Variants in RBAK observed in about 807,000 individuals in gnomAD.
The protein encoded by RBAK is RB associated KRAB zinc finger.
A neutral mutation model predicts 65.8 loss-of-function variants in RBAK; 39 were observed. The ratio of observed to expected loss-of-function variants is 0.59; its 90% CI spans 0.46 to 0.77. The LOEUF is 0.77. Ranked by LOEUF, RBAK falls within the 30% of genes least tolerant of loss-of-function variation. The pLI, the probability that RBAK is intolerant of heterozygous loss-of-function variation, is 0.00. For missense variants in RBAK, 884 were observed against 855.1 expected, an observed-to-expected ratio of 1.03 and a Z score of -0.42; for synonymous variants, 343 against 289.7, an observed-to-expected ratio of 1.18 and a Z score of -1.87.
intron 2 of RBAK, among the ~76,000 whole-genome samples, chr7:5,050,645 G>T (rs1332148246): frequency 1.3e-5 from 2 of 152,172 alleles, no homozygotes; most frequent in East Asian, 3.9e-4. Context: ...CGTGTTTACG[G>T]CTCACTGCAG....
chr7:5,049,424 C>G (rs1240576810), intron 2 of RBAK, among the ~76,000 whole-genome samples: 1 of 152,228 alleles, frequency 6.6e-6, no homozygotes, highest in Admixed American at 6.5e-5. Flanking sequence ...TACAGTTACT[C>G]TCTTGTGAAG....
intron 4 of RBAK, among the ~76,000 whole-genome samples, chr7:5,058,028 T>G (rs1489320437): frequency 5.9e-5 from 9 of 151,974 alleles, no homozygotes; most frequent in Non-Finnish European, 8.8e-5. Flanking sequence ...TATTGGTAAC[T>G]TATTTACTCC....
chr7:5,060,502 A>G (rs1048968209), intron 4 of RBAK, among the ~76,000 whole-genome samples: 1 of 152,270 alleles, frequency 6.6e-6, no homozygotes, highest in Non-Finnish European at 1.5e-5. Context: ...TCCAATGCAC[A>G]TTGTGCAACT....
At chr7:5,058,252 T>G (rs1383060566) in intron 4 of RBAK, among the ~76,000 whole-genome samples, 2 of 152,128 alleles carry the variant, frequency 1.3e-5, no homozygotes, top group Admixed American at 6.5e-5. Context: ...TTTTTATATT[T>G]TTAGTAGACA....
intron 4 of RBAK, among the ~76,000 whole-genome samples, chr7:5,062,110 A>G (rs1779089996): frequency 6.6e-6 from 1 of 152,172 alleles, no homozygotes; most frequent in Non-Finnish European, 1.5e-5. Context: ...ATGAAGTGAT[A>G]TCTTGCAGTT....
intron 2 of RBAK, among the ~76,000 whole-genome samples, chr7:5,055,887 A>T (rs549440488): frequency 9.9e-5 from 15 of 152,016 alleles, no homozygotes. Context: ...TGCCTCTGCT[A>T]TCTCTTGGGA....
Position 5,064,303 on chromosome 7 carries a change from C to T in RBAK, c.847C>T (p.His283Tyr), listed in dbSNP as rs762423150. The change falls in exon 5 of 5, where the codon CAC becomes TAC. Residue 283 changes from histidine (H) to tyrosine (Y), a missense_variant. By Grantham distance (83) the His-to-Tyr change is moderately conservative. Transcript: ENST00000396912. The surrounding 1 kb of genome is among the most constrained non-coding windows in gnomAD (Gnocchi z 6.3). ...AAAATTCATCATCCACCAGAGGGCT[C>T]ACACAGGAGAGAAACCTTATGAATG... Reference protein sequence around the residue: ...KSKFIIHQRAHTGEKPYECNV... With the variant: ...KSKFIIHQRAYTGEKPYECNV... 6 of 1,614,128 alleles carry T rather than the reference C, an allele frequency of 3.7e-6. No homozygotes were observed. The highest frequency in any genetic ancestry group is 5.1e-6 in the Non-Finnish European group (6 of 1,180,000).
chr7:5,056,688 G>A (rs768225903), intron 2 of RBAK, among the ~76,000 whole-genome samples: 1 of 152,144 alleles, frequency 6.6e-6, no homozygotes, highest in African/African-American at 2.4e-5. Flanking sequence ...AGATTGAGAT[G>A]TTTGAGATAA....
rs576890762 is a variant in RBAK at position 5,056,251 on chromosome 7, G to A, written c.16-1044G>A. ...GCCTCCCAAGTAGCTAGAACTACAG[G>A]CGTGTGCCATGATGCCCAGCCAATT... On this transcript the variant is annotated intron_variant, in intron 2 of 4. Transcript: ENST00000396912. 3.3e-5 allele frequency among the ~76,000 whole-genome samples: 5 copies of A among 151,972 alleles called. No homozygotes were observed. The East Asian group carries it at 9.7e-4, about 29-fold the overall frequency.
chr7:5,057,769 A>G lies in RBAK; in HGVS notation c.228A>G (p.Gln76=), dbSNP rs369245518. 2.4e-5 allele frequency: 39 copies of G among 1,613,800 alleles called. No homozygotes were observed. The highest frequency in any genetic ancestry group is 8.0e-5 in the African/African-American group (6 of 74,924). The change falls in exon 4 of 5, where the codon CAA becomes CAG. Residue 76 remains glutamine (Q), a synonymous_variant. Coordinates refer to ENST00000396912, the MANE Select transcript of RBAK (RefSeq NM_021163.4). ...TAATGGGAGGTGAATTTCCATGTCA[A>G]CATAGTCCAGGTAAGTTAGTAGCGT... is the stretch of plus-strand genomic sequence containing the variant. ...PWIMGGEFPC[Q]HSPEAWRVDD... is the part of the protein sequence containing the mutation.
chr7:5,051,959 A>G (rs1256041547), intron 2 of RBAK, among the ~76,000 whole-genome samples: 1 of 152,216 alleles, frequency 6.6e-6, no homozygotes, highest in Non-Finnish European at 1.5e-5. Flanking sequence ...TTGTGTGCCT[A>G]CTTGTATCAA....
rs1779251241 is a variant in RBAK at position 5,067,637 on chromosome 7, TGTA to T, written c.*2038_*2040del. On this transcript the variant is annotated 3_prime_UTR_variant, in exon 5 of 5. Transcript: ENST00000396912. ...AGTCGAATAATTGTCAAGGCTATCCTGTAGAATGGACAGAGAGGATTGAAATTT... is the reference window on the plus strand; with the variant it reads ...AGTCGAATAATTGTCAAGGCTATCCTGAATGGACAGAGAGGATTGAAATTT... The T allele has an allele frequency of 1.3e-5, 2 of 152,232 alleles. No homozygotes were observed. Among genetic ancestry groups the T allele is most frequent in the Admixed American group, 6.5e-5 (1 of 15,284 alleles). The allele number at this position is 152,232 out of a possible 1,614,324, so 9.4% of individuals were successfully genotyped here.
chr7:5,052,895 G>T (rs956249116), intron 2 of RBAK, among the ~76,000 whole-genome samples: 6 of 152,042 alleles, frequency 3.9e-5, no homozygotes, highest in African/African-American at 1.2e-4. Flanking sequence ...GGGTAGCTGG[G>T]ATTACAGACA....
chr7:5,056,423 C>T (rs1788234125), intron 2 of RBAK, among the ~76,000 whole-genome samples: 1 of 151,968 alleles, frequency 6.6e-6, no homozygotes, highest in Admixed American at 6.6e-5. Flanking sequence ...CAGCCCCAAC[C>T]ACTTAAAAAT....
chr7:5,060,816 G>T (rs1779050725), intron 4 of RBAK, among the ~76,000 whole-genome samples: 1 of 152,172 alleles, frequency 6.6e-6, no homozygotes. Context: ...TGGTGTTTGG[G>T]GTGCTGGAGC....
Position 5,065,256 on chromosome 7 carries a change from T to C in RBAK, c.1800T>C (p.Cys600=). ...AGAAACCCTATGAATGTTACGAATG[T>C]GGAAAATTCTTCTCTCAGAAATCAT... is the stretch of plus-strand genomic sequence containing the variant. ...TGEKPYECYE[C]GKFFSQKSYL... Residue 600 remains cysteine, a synonymous_variant, in exon 5 of 5, where the codon TGT becomes TGC. Transcript: ENST00000396912. This position sits in a 1 kb window ranked among gnomAD's most constrained non-coding sequence, Gnocchi z 5.3. 6.2e-7 allele frequency: 1 copy of C among 1,613,996 alleles called. No individual in the cohort carries two copies. Among genetic ancestry groups the C allele is most frequent in the South Asian group, 1.1e-5 (1 of 91,076 alleles).
intron 2 of RBAK, among the ~76,000 whole-genome samples, chr7:5,055,607 A>G (rs781517195): frequency 2.6e-5 from 4 of 152,182 alleles, no homozygotes; most frequent in Admixed American, 6.5e-5. Context: ...CCATTTGGCT[A>G]TTGTATATTA....
chr7:5,060,926 A>G (rs558940721), intron 4 of RBAK, among the ~76,000 whole-genome samples: 14 of 152,324 alleles, frequency 9.2e-5, no homozygotes, highest in African/African-American at 3.4e-4. Flanking sequence ...AATTTGTAAG[A>G]TACATAAAAA....
rs2115051284 is a variant in RBAK, at chr7:5,067,882, A to T, written c.*2281A>T. The stretch of plus-strand genomic sequence containing the variant: ...TTTGCCAATAAAATTTTGTAATTTG[A>T]TAAAAAGTTATTTGGAGGTGGATTG... On this transcript the variant is annotated 3_prime_UTR_variant, in exon 5 of 5. Coordinates refer to ENST00000396912, the MANE Select transcript of RBAK (RefSeq NM_021163.4). The T allele has an allele frequency of 6.6e-6, 1 of 152,332 alleles. No individual in the cohort carries two copies. The highest frequency in any genetic ancestry group is 2.1e-4 in the South Asian group (1 of 4,832). 9.4% of individuals were successfully genotyped at this position (152,332 alleles called of 1,614,324 possible). A position where few individuals can be genotyped will look rare whatever the true frequency, so the allele number is the denominator to read the frequency against.
Sources: gnomAD v4.1 joint callset for allele counts (sites outside exome capture counted in the v4.1 genomes callset) on GRCh38, gnomAD v4.1.1 for gene constraint, Gnocchi (gnomAD v3.1) non-coding constraint, MANE v1.5 for transcripts, NCBI Gene and HGNC (gene_info 2026-07-23, HGNC 2026-07-21) for gene names.